Variants in ATP13A4 observed in about 807,000 individuals in gnomAD.
The protein encoded by ATP13A4 is ATPase 13A4.
In ATP13A4, 114 loss-of-function variants were observed where a neutral mutation model predicts 142.5. The ratio of observed to expected loss-of-function variants is 0.80; its 90% CI spans 0.69 to 0.93. The LOEUF (loss-of-function observed/expected upper bound fraction) is 0.93, where lower values mean the gene tolerates loss of function less well. Among genes scored for constraint, ATP13A4 ranks in the 40% least tolerant of loss-of-function variants. The pLI is 0.00. For synonymous variants in ATP13A4, 488 were observed against 514.8 expected (o/e 0.95, Z 0.70); for missense variants, 1,392 against 1,454.0 (o/e 0.96, Z 0.69).
At chr3:193,522,951 C>T (rs1721803076) in intron 1 of ATP13A4, among the ~76,000 whole-genome samples, 1 of 152,162 alleles carries the variant, frequency 6.6e-6, no homozygotes, top group Admixed American at 6.5e-5. Context: ...TTCTGGCACA[C>T]AGCAACTAAA....
At chr3:193,446,597 T>A (rs377361987) in intron 18 of ATP13A4, among the ~76,000 whole-genome samples, 1 of 152,238 alleles carries the variant, frequency 6.6e-6, no homozygotes, top group African/African-American at 2.4e-5. Flanking sequence ...GTTCTTGCTA[T>A]AAATATGATA....
chr3:193,464,555 T>C (rs1718151301), intron 12 of ATP13A4, among the ~76,000 whole-genome samples: 3 of 152,220 alleles, frequency 2.0e-5, no homozygotes, highest in Admixed American at 2.0e-4. Flanking sequence ...ATTCAATCGA[T>C]ATTTATTGCA....
intron 2 of ATP13A4, among the ~76,000 whole-genome samples, chr3:193,512,630 T>A (rs1721201749): frequency 6.6e-6 from 1 of 152,188 alleles, no homozygotes. Flanking sequence ...CCAAATCTAA[T>A]GAACTAGAAT....
chr3:193,434,365 G>A (rs1477156546), intron 24 of ATP13A4, among the ~76,000 whole-genome samples: 1 of 152,156 alleles, frequency 6.6e-6, no homozygotes, highest in Non-Finnish European at 1.5e-5. Flanking sequence ...ATTCTTGAAT[G>A]TTTTTAGACA....
At chr3:193,531,294 G>GGAA (rs1560262137) in intron 1 of ATP13A4, among the ~76,000 whole-genome samples, 78 of 113,860 alleles carry the variant, frequency 6.9e-4, no homozygotes, top group African/African-American at 2.6e-3. Context: ...GAGGGAGGGA[G>GGAA]GGAGGAAGGA....
Position 193,554,840 on chromosome 3 carries a change from A to T in ATP13A4, c.-41T>A. The T allele has an allele frequency of 1.9e-6, 3 of 1,613,846 alleles. No individual in the cohort carries two copies. The highest frequency in any genetic ancestry group is 2.5e-6 in the Non-Finnish European group (3 of 1,180,018). Reference sequence around the variant, plus strand: ...CACCTCCTCCCTGACCTTGTCGTGCAGACGCTTCCAGGATGAACTCCAACT... The same window carrying T: ...CACCTCCTCCCTGACCTTGTCGTGCTGACGCTTCCAGGATGAACTCCAACT... On this transcript the variant is annotated 5_prime_UTR_variant, in exon 1 of 30. Coordinates refer to ENST00000342695, the MANE Select transcript of ATP13A4 (RefSeq NM_032279.4).
intron 28 of ATP13A4, 149 bp downstream of exon 28, chr3:193,410,833 A>G: frequency 1.6e-6 from 1 of 612,472 alleles, no homozygotes; most frequent in Non-Finnish European, 2.9e-6. Context: ...AATAAAAAAT[A>G]TAGATAAATT....
chr3:193,479,055 C>T (rs1719137339), intron 8 of ATP13A4, among the ~76,000 whole-genome samples: 1 of 152,082 alleles, frequency 6.6e-6, no homozygotes, highest in South Asian at 2.1e-4. Context: ...AAGCATTTGA[C>T]AAAATCCAGC....
chr3:193,506,936 T>C (rs1285794884), intron 2 of ATP13A4, among the ~76,000 whole-genome samples: 2 of 152,174 alleles, frequency 1.3e-5, no homozygotes, highest in African/African-American at 4.8e-5. Context: ...ATGTCTTTAT[T>C]AGCAGCGTGA....
At chr3:193,483,126 C>A (rs565244427) in intron 8 of ATP13A4, among the ~76,000 whole-genome samples, 11 of 152,010 alleles carry the variant, frequency 7.2e-5, no homozygotes, top group Non-Finnish European at 1.5e-4. Context: ...TTTGATCCCC[C>A]CCAAAATTAA....
At chr3:193,551,427 A>C (rs911861702) in intron 1 of ATP13A4, among the ~76,000 whole-genome samples, 2 of 152,166 alleles carry the variant, frequency 1.3e-5, no homozygotes, top group African/African-American at 4.8e-5. Context: ...AAGAAAAAAA[A>C]AAAGTACATA....
Position 193,514,774 on chromosome 3 carries a change from C to A in ATP13A4, c.158G>T (p.Arg53Ile). 2 of 1,614,186 alleles carry A rather than the reference C, an allele frequency of 1.2e-6. No homozygotes were observed. Among genetic ancestry groups the A allele is most frequent in the Non-Finnish European group, 8.5e-7 (1 of 1,180,048 alleles). ...ATGTGCCCATACGTGCCATGCTGGT[C>A]TCCAGTAAAACACCAAGGGGAGGAT... ...FGILPLVFYW[R>I]PAWHVWAHCV... The change falls in exon 2 of 30, where the codon AGA (arginine) becomes ATA (isoleucine). Residue 53 changes from arginine to isoleucine, a missense_variant. Physicochemically the swap from Arg to Ile is moderately conservative, Grantham distance 97 (BLOSUM62 -3). Transcript: ENST00000342695.
intron 7 of ATP13A4, among the ~76,000 whole-genome samples, chr3:193,487,052 C>G (rs530123226): frequency 6.6e-6 from 1 of 152,126 alleles, no homozygotes; most frequent in Admixed American, 6.5e-5. Context: ...GTTGTTTTGA[C>G]TTTGGAACAC....
At chr3:193,403,487 C>CAA (rs1416920921) in intron 29 of ATP13A4, among the ~76,000 whole-genome samples, 1 of 152,146 alleles carries the variant, frequency 6.6e-6, no homozygotes, top group African/African-American at 2.4e-5. Flanking sequence ...ACTCCCTTTA[C>CAA]AATGCAGGGC....
rs144317541 is a variant in ATP13A4 at position 193,539,605 on chromosome 3, C to T, written c.60+15135G>A. Among the ~76,000 whole-genome samples the T allele has an allele frequency of 4.6e-3, 694 of 152,302 alleles. 8 individuals carry two copies. The highest frequency in any genetic ancestry group is 0.016 in the African/African-American group (645 of 41,570). ...CTATTAAATGTTTCTTTCTGAGAAA[C>T]CAGATTTGTCAGCTTCTTTCTTCAG... is the stretch of plus-strand genomic sequence containing the variant. On this transcript the variant is annotated intron_variant, in intron 1 of 29. Transcript: ENST00000342695.
At chr3:193,578,588 G>GA in intron 2 of ATP13A4, among the ~76,000 whole-genome samples, 1 of 152,134 alleles carries the variant, frequency 6.6e-6, no homozygotes, top group Non-Finnish European at 1.5e-5. Flanking sequence ...GGATGTTTCT[G>GA]AAAGAGACGG....
chr3:193,517,118 G>A (rs1017614838), intron 1 of ATP13A4, among the ~76,000 whole-genome samples: 21 of 152,196 alleles, frequency 1.4e-4, no homozygotes, highest in African/African-American at 5.1e-4. Flanking sequence ...GACCTCTGCA[G>A]CACATGGAAG....
rs775119090 is a variant in ATP13A4 at position 193,410,951 on chromosome 3, A to G, written c.3297+31T>C. 38 of 1,337,634 alleles carry G rather than the reference A, an allele frequency of 2.8e-5. No homozygotes were observed. In the South Asian group the frequency reaches 4.5e-4, roughly 16 times the overall value. 82.9% of individuals were successfully genotyped at this position (1,337,634 alleles called of 1,614,324 possible). A position where few individuals can be genotyped will look rare whatever the true frequency, so the allele number is the denominator to read the frequency against. On this transcript the variant is annotated intron_variant, in intron 28 of 29. Transcript: ENST00000342695. ...AAGTTAAACTGTTACATAACTGTAA[A>G]GCATCATCATATCCCAAAGATTAGA...
chr3:193,567,728 G>T (rs1724165121), intron 2 of ATP13A4, among the ~76,000 whole-genome samples: 1 of 152,082 alleles, frequency 6.6e-6, no homozygotes, highest in South Asian at 2.1e-4. Context: ...TCTCCACCAG[G>T]ATGTTTTCTT....
Sources: allele counts gnomAD v4.1 joint callset (sites outside exome capture counted in the v4.1 genomes callset), GRCh38; gene constraint gnomAD v4.1.1; transcripts MANE v1.5; gene names NCBI Gene and HGNC (gene_info 2026-07-23, HGNC 2026-07-21).